The following JARID2 variants were observed in gnomAD, a reference collection of about 807,000 sequenced individuals.
JARID2 encodes jumonji and AT-rich interaction domain containing 2.
Under a neutral mutation model 125.6 loss-of-function variants are expected in JARID2, and 21 were observed. The ratio of observed to expected loss-of-function variants is 0.17; its 90% CI spans 0.12 to 0.24. JARID2 has a LOEUF of 0.24. JARID2 is among the 10% of genes least tolerant of loss of function. The pLI, the probability that JARID2 is intolerant of heterozygous loss-of-function variation, is 1.00. For synonymous variants in JARID2, 736 were observed against 661.6 expected (o/e 1.11, Z -1.73); for missense variants, 1,303 against 1,639.6 (o/e 0.79, Z 3.55).
intron 17 of JARID2, 68 bp from the exon 18 acceptor site, chr6:15,520,001 T>C: frequency 7.2e-7 from 1 of 1,385,222 alleles, no homozygotes; most frequent in Non-Finnish European, 9.8e-7. Context: ...TGCCCCTGCA[T>C]GGCTCTCAGG....
intron 3 of JARID2, among the ~76,000 whole-genome samples, chr6:15,450,802 GTATT>G (rs1767888085): frequency 6.6e-6 from 1 of 152,184 alleles, no homozygotes; most frequent in South Asian, 2.1e-4. Flanking sequence ...ATATGTTCGT[GTATT>G]TATTGGTGGA....
chr6:15,485,314 AAAG>A (rs1480852783), intron 5 of JARID2, among the ~76,000 whole-genome samples: 1 of 152,352 alleles, frequency 6.6e-6, no homozygotes, highest in African/African-American at 2.4e-5. Context: ...CAATTGGACT[AAAG>A]AATTAAATCC....
intron 1 of JARID2, among the ~76,000 whole-genome samples, chr6:15,250,198 A>G (rs1435839809): frequency 6.6e-5 from 10 of 152,372 alleles, no homozygotes; most frequent in African/African-American, 1.9e-4. Context: ...TTGAAAGTGT[A>G]TGATTTAAAA....
At chr6:15,311,262 C>G (rs1220120600) in intron 1 of JARID2, among the ~76,000 whole-genome samples, 1 of 151,946 alleles carries the variant, frequency 6.6e-6, no homozygotes, top group East Asian at 1.9e-4. Context: ...GTGAGTCTCT[C>G]TGGTACACTT....
chr6:15,475,074 C>T (rs1011845635), intron 5 of JARID2, among the ~76,000 whole-genome samples: 1 of 152,136 alleles, frequency 6.6e-6, no homozygotes, highest in Non-Finnish European at 1.5e-5. Context: ...GGCAACAGTT[C>T]CCATGGCAGC....
intron 2 of JARID2, among the ~76,000 whole-genome samples, chr6:15,382,435 A>C (rs901202415): frequency 6.6e-6 from 1 of 151,702 alleles, no homozygotes; most frequent in African/African-American, 2.4e-5. Flanking sequence ...TTGGGGTGGC[A>C]GGGGTCAGCA....
Position 15,468,676 on chromosome 6 carries a change from C to G in JARID2, c.628C>G (p.Pro210Ala). 1 of 1,613,746 alleles carries G rather than the reference C, an allele frequency of 6.2e-7. No individual in the cohort carries two copies. The highest frequency in any genetic ancestry group is 8.5e-7 in the Non-Finnish European group (1 of 1,179,814). ...TGCTTCATCTTCATGCCAGTCGACC[C>G]CCAGGAAAGGAAAAACCCACAAACA... ...NNASSSCQST[P>A]RKGKTHKHVH... Residue 210 changes from proline to alanine, a missense_variant, in exon 5 of 18, where the codon CCC (proline) becomes GCC (alanine). Physicochemically the swap from Pro to Ala is conservative, Grantham distance 27. Transcript: ENST00000341776.
chr6:15,335,826 C>T (rs901980276), intron 1 of JARID2, among the ~76,000 whole-genome samples: 1 of 152,052 alleles, frequency 6.6e-6, no homozygotes, highest in South Asian at 2.1e-4. Context: ...GGCATGATGG[C>T]TTACCCCTGT....
intron 1 of JARID2, among the ~76,000 whole-genome samples, chr6:15,371,462 A>C (rs78324290): frequency 0.019 from 2,956 of 152,334 alleles, 48 homozygotes; most frequent in Non-Finnish European, 0.027. Flanking sequence ...AGCCTTTATG[A>C]ATAGACTGAG....
chr6:15,286,441 G>A (rs1761004038), intron 1 of JARID2, among the ~76,000 whole-genome samples: 1 of 151,354 alleles, frequency 6.6e-6, no homozygotes, highest in Non-Finnish European at 1.5e-5. Flanking sequence ...TACTAGAGAC[G>A]GGGTTTCACC....
intron 2 of JARID2, among the ~76,000 whole-genome samples, chr6:15,409,452 T>C (rs188147251): frequency 6.6e-6 from 1 of 152,358 alleles, no homozygotes; most frequent in African/African-American, 2.4e-5. Flanking sequence ...AGAACCTACA[T>C]TGATGTAAGG....
intron 1 of JARID2, among the ~76,000 whole-genome samples, chr6:15,320,537 T>C (rs761957874): frequency 6.6e-6 from 1 of 152,200 alleles, no homozygotes; most frequent in African/African-American, 2.4e-5. Flanking sequence ...ATAAATGTGA[T>C]TTGTAGTTTA....
intron 1 of JARID2, among the ~76,000 whole-genome samples, chr6:15,269,200 C>T (rs1490375489): frequency 6.6e-6 from 1 of 152,148 alleles, no homozygotes; most frequent in Non-Finnish European, 1.5e-5. Flanking sequence ...TGTAAAACCT[C>T]CTAATCTGAG....
intron 4 of JARID2, among the ~76,000 whole-genome samples, chr6:15,456,040 C>G (rs1256898335): frequency 1.3e-5 from 2 of 152,128 alleles, no homozygotes; most frequent in Non-Finnish European, 2.9e-5. Context: ...TTTACTATGG[C>G]GCAATTGTGA....
chr6:15,305,028 C>G (rs1400797870), intron 1 of JARID2, among the ~76,000 whole-genome samples: 1 of 152,166 alleles, frequency 6.6e-6, no homozygotes, highest in East Asian at 1.9e-4. Context: ...TCTCTTCTCA[C>G]TGATTGGCAG....
chr6:15,455,390 G>A (rs1350659194), intron 4 of JARID2, among the ~76,000 whole-genome samples: 1 of 152,072 alleles, frequency 6.6e-6, no homozygotes, highest in African/African-American at 2.4e-5. Context: ...ATTTCTTAGT[G>A]TTGGGAACAT....
chr6:15,369,115 T>C (rs1764075826), intron 1 of JARID2, among the ~76,000 whole-genome samples: 1 of 152,210 alleles, frequency 6.6e-6, no homozygotes, highest in East Asian at 1.9e-4. Flanking sequence ...TATCATGTGC[T>C]TACTTTCTGA....
Position 15,348,177 on chromosome 6 carries a change from C to T in JARID2, c.46-25940C>T, listed in dbSNP as rs187536826. On this transcript the variant is annotated intron_variant, in intron 1 of 17. Transcript: ENST00000341776. ...TGTGATCTCGGCTCACTGCAATGTC[C>T]GCCTCCTGGGTTCAAGCAATTCTCC... is the stretch of plus-strand genomic sequence containing the variant. Among the ~76,000 whole-genome samples the T allele has an allele frequency of 8.3e-4, 125 of 151,446 alleles. 1 individual carries two copies. The highest frequency in any genetic ancestry group is 2.7e-3 in the African/African-American group (113 of 41,266).
In JARID2 at chr6:15,520,181, C is replaced by T. The variant is rs769367991; in HGVS notation, c.3671C>T (p.Ala1224Val). 49 of 1,613,670 alleles carry T rather than the reference C, an allele frequency of 3.0e-5. No homozygotes were observed. Among genetic ancestry groups the T allele is most frequent in the Non-Finnish European group, 3.7e-5 (44 of 1,179,890 alleles). The change falls in exon 18 of 18, where the codon GCG becomes GTG. Residue 1224 changes from alanine (A) to valine (V), a missense_variant. Physicochemically the swap from Ala to Val is moderately conservative, Grantham distance 64 (BLOSUM62 0). Coordinates refer to ENST00000341776, the MANE Select transcript of JARID2 (RefSeq NM_004973.4). ...CCAAAAAGAGGTCCCCGCAAGAGAG[C>T]GACAGTGGACGTGCCCCCCTCCCGT... is the stretch of plus-strand genomic sequence containing the variant. ...PTPKRGPRKR[A>V]TVDVPPSRLS...
Sources: allele counts gnomAD v4.1 joint callset (sites outside exome capture counted in the v4.1 genomes callset), GRCh38; gene constraint gnomAD v4.1.1; transcripts MANE v1.5; gene names NCBI Gene and HGNC (gene_info 2026-07-23, HGNC 2026-07-21).